The following C14orf180 variants were observed in gnomAD, a reference collection of about 807,000 sequenced individuals.
C14orf180 encodes nutritionally-regulated adipose and cardiac enriched protein homolog.
Under a neutral mutation model 13.9 loss-of-function variants are expected in C14orf180, and 13 were observed. That is an observed-to-expected ratio of 0.94 (90% CI 0.61 to 1.49). The LOEUF is 1.49. Ranked by LOEUF, C14orf180 falls within the 40% of genes most tolerant of loss-of-function variation. The pLI is 0.00. For synonymous variants in C14orf180, 113 were observed against 106.3 expected, an observed-to-expected ratio of 1.06 and a Z score of -0.39; for missense variants, 238 against 232.0, an observed-to-expected ratio of 1.03 and a Z score of -0.17.
intron 1 of C14orf180, among the ~76,000 whole-genome samples, chr14:104,585,736 TAGAA>T (rs1170194573): frequency 4.3e-5 from 5 of 117,376 alleles, no homozygotes; most frequent in African/African-American, 6.6e-5. Flanking sequence ...GAGAGAGACA[TAGAA>T]AGATAGAGAC....
chr14:104,585,452 G>T (rs1886582927), intron 1 of C14orf180, among the ~76,000 whole-genome samples: 1 of 152,216 alleles, frequency 6.6e-6, no homozygotes, highest in African/African-American at 2.4e-5. Context: ...CAAGAACCCT[G>T]CCAAGGCTGT....
chr14:104,588,078 A>G (rs1886697055), intron 3 of C14orf180, among the ~76,000 whole-genome samples, 196 bp from the exon 4 acceptor site: 1 of 152,160 alleles, frequency 6.6e-6, no homozygotes, highest in South Asian at 2.1e-4. Flanking sequence ...ATGAAACAGC[A>G]ACTGGAGGAG....
Position 104,585,082 on chromosome 14 carries a change from C to A in C14orf180, c.-16-1333C>A, listed in dbSNP as rs1269174042. On this transcript the variant is annotated intron_variant, in intron 1 of 4. Coordinates refer to ENST00000557649, the MANE Select transcript of C14orf180 (RefSeq NM_001008404.3). ...CACTCTCACCCTCCCCCTTCTCAGCCCTTGGGGGCAGGGTCCTTGGAGGAC... is the reference window on the plus strand; with the variant it reads ...CACTCTCACCCTCCCCCTTCTCAGCACTTGGGGGCAGGGTCCTTGGAGGAC... Among the ~76,000 whole-genome samples the A allele has an allele frequency of 2.0e-5, 3 of 152,252 alleles. No individual in the cohort carries two copies. In the East Asian group the frequency reaches 5.8e-4, roughly 29 times the overall value.
Position 104,590,479 on chromosome 14 carries a change from GC to G in C14orf180, c.*1697del, listed in dbSNP as rs367693007. On this transcript the variant is annotated 3_prime_UTR_variant, in exon 5 of 5. Coordinates refer to ENST00000557649, the MANE Select transcript of C14orf180 (RefSeq NM_001008404.3). ...GCAACGCAAGGACGTGCCTGGCTTT[GC>G]GGGGTCCCACGCTACGACCTCAGGT... 9 of 152,388 alleles carry G rather than the reference GC, an allele frequency of 5.9e-5. No homozygotes were observed. The East Asian group carries it at 1.7e-3, about 29-fold the overall frequency. 9.4% of individuals were successfully genotyped at this position (152,388 alleles called of 1,614,324 possible).
chr14:104,581,335 A>G (rs1419661036), intron 1 of C14orf180: 1 of 152,244 alleles, frequency 6.6e-6, no homozygotes, highest in African/African-American at 2.4e-5. Context: ...CCTGTGGCCA[A>G]ACTACTAAGG....
rs781458489 is a variant in C14orf180 at position 104,587,736 on chromosome 14, G to A, written c.112-13G>A. ...CCGGGGACTCACCAGTCTGCTTCCC[G>A]CCCCCACACCAGGAGGACAACAGGA... is the stretch of plus-strand genomic sequence containing the variant. On this transcript the variant is annotated splice_polypyrimidine_tract_variant and intron_variant, in intron 2 of 4. Coordinates refer to ENST00000557649, the MANE Select transcript of C14orf180 (RefSeq NM_001008404.3). 81 of 1,610,662 alleles carry A rather than the reference G, an allele frequency of 5.0e-5. No individual in the cohort carries two copies. The highest frequency in any genetic ancestry group is 1.7e-4 in the Middle Eastern group (1 of 6,054).
At chr14:104,587,942 ACCGG>A in intron 3 of C14orf180, 64 bp downstream of exon 3, 1 of 1,522,928 alleles carries the variant, frequency 6.6e-7, no homozygotes, top group African/African-American at 1.4e-5. Context: ...AGGCGGGGAC[ACCGG>A]CCACACCCAC....
At chr14:104,582,424 G>A (rs1886468014) in intron 1 of C14orf180, among the ~76,000 whole-genome samples, 1 of 152,198 alleles carries the variant, frequency 6.6e-6, no homozygotes, top group African/African-American at 2.4e-5. Flanking sequence ...ATGAGGTGGG[G>A]TCTTTGGGGT....
chr14:104,588,734 A>C lies in C14orf180; in HGVS notation c.434A>C (p.His145Pro). ...GCCCGGCTCCTCGGCCTTGTCCTGCACCTGCGGCACGTGGCCCTCACCTGC... is the reference window on the plus strand; with the variant it reads ...GCCCGGCTCCTCGGCCTTGTCCTGCCCCTGCGGCACGTGGCCCTCACCTGC... Reference protein sequence around the residue: ...LRARLLGLVLHLRHVALTCWR... With the variant: ...LRARLLGLVLPLRHVALTCWR... The change falls in exon 5 of 5, where the codon CAC (histidine) becomes CCC (proline). Residue 145 changes from histidine (H) to proline (P), a missense_variant. Physicochemically the swap from His to Pro is moderately conservative, Grantham distance 77 (BLOSUM62 -2). Coordinates refer to ENST00000557649, the MANE Select transcript of C14orf180 (RefSeq NM_001008404.3). 20 of 1,535,718 alleles carry C rather than the reference A, an allele frequency of 1.3e-5. No homozygotes were observed. Among genetic ancestry groups the C allele is most frequent in the Non-Finnish European group, 1.7e-5 (20 of 1,146,436 alleles).
chr14:104,588,440 C>A lies in C14orf180; in HGVS notation c.277+131C>A, dbSNP rs1022043255. 3 of 1,493,842 alleles carry A rather than the reference C, an allele frequency of 2.0e-6. No individual in the cohort carries two copies. The African/African-American group carries it at 4.2e-5, about 21-fold the overall frequency. The allele number at this position is 1,493,842 out of a possible 1,614,324, so 92.5% of individuals were successfully genotyped here. On this transcript the variant is annotated intron_variant, in intron 4 of 4. Coordinates refer to ENST00000557649, the MANE Select transcript of C14orf180 (RefSeq NM_001008404.3). ...GTCCCCAGTTGGGGAGCTCTTGTTG[C>A]AAGGAGACCCCAAGAGGCTAGGGAG... is the stretch of plus-strand genomic sequence containing the variant.
Position 104,579,780 on chromosome 14 carries a change from T to G in C14orf180, c.-240T>G, listed in dbSNP as rs1886376805. The G allele has an allele frequency of 6.6e-6, 1 of 152,334 alleles. No individual in the cohort carries two copies. Among genetic ancestry groups the G allele is most frequent in the African/African-American group, 2.4e-5 (1 of 41,460 alleles). The allele number at this position is 152,334 out of a possible 1,614,324, so 9.4% of individuals were successfully genotyped here. On this transcript the variant is annotated 5_prime_UTR_variant, in exon 1 of 5. Coordinates refer to ENST00000557649, the MANE Select transcript of C14orf180 (RefSeq NM_001008404.3). ...ACGAAGGCCACAACAGACCCGGCCC[T>G]GCCAGCGGGCGGTGGCGCCTCCAGA...
chr14:104,582,690 C>T (rs1007521566), intron 1 of C14orf180, among the ~76,000 whole-genome samples: 3 of 152,230 alleles, frequency 2.0e-5, no homozygotes, highest in African/African-American at 7.2e-5. Context: ...GGTAAGAACC[C>T]CCCAGCCCCC....
intron 4 of C14orf180, 99 bp from the exon 5 acceptor site, chr14:104,588,479 G>A: frequency 6.9e-7 from 1 of 1,443,490 alleles, no homozygotes; most frequent in Non-Finnish European, 9.3e-7. Context: ...CCATGGGCAT[G>A]GACAGGGTGG....
At chr14:104,583,389 A>C (rs1250821438) in intron 1 of C14orf180, among the ~76,000 whole-genome samples, 2 of 152,090 alleles carry the variant, frequency 1.3e-5, no homozygotes, top group African/African-American at 4.8e-5. Context: ...TCCCTCCCCG[A>C]GTGATGCCAA....
Position 104,588,720 on chromosome 14 carries a change from C to G in C14orf180, c.420C>G (p.Leu140=). The change falls in exon 5 of 5, where the codon CTC becomes CTG. Residue 140 remains leucine, a synonymous_variant. Transcript: ENST00000557649. ...TALEDLRARL[L]GLVLHLRHVA... is the part of the protein sequence containing the mutation. The stretch of plus-strand genomic sequence containing the variant: ...TGGAGGACCTGCGGGCCCGGCTCCT[C>G]GGCCTTGTCCTGCACCTGCGGCACG... 6.5e-7 allele frequency: 1 copy of G among 1,535,724 alleles called. No individual in the cohort carries two copies. The highest frequency in any genetic ancestry group is 8.7e-7 in the Non-Finnish European group (1 of 1,146,360).
chr14:104,582,153 G>A (rs748923539), intron 1 of C14orf180, among the ~76,000 whole-genome samples: 22 of 152,174 alleles, frequency 1.4e-4, no homozygotes, highest in Non-Finnish European at 2.9e-4. Flanking sequence ...GCAAAAGGGC[G>A]GGCGGCACGG....
rs112419320 is a variant in C14orf180, at chr14:104,588,206, C to T, written c.242-68C>T. 5,954 of 1,594,672 alleles carry T rather than the reference C, an allele frequency of 3.7e-3. 199 individuals are homozygous for T. The African/African-American group carries it at 0.068, about 18-fold the overall frequency. ...GGTCCTTCGGGGGTGCAGGGTGAGA[C>T]GAGAGGGCGGGGGCGCCCGATGGAC... On this transcript the variant is annotated intron_variant, in intron 3 of 4. Coordinates refer to ENST00000557649, the MANE Select transcript of C14orf180 (RefSeq NM_001008404.3).
chr14:104,588,715 C>T lies in C14orf180; in HGVS notation c.415C>T (p.Leu139Phe). 1 of 1,535,708 alleles carries T rather than the reference C, an allele frequency of 6.5e-7. No individual in the cohort carries two copies. Among genetic ancestry groups the T allele is most frequent in the Admixed American group, 2.0e-5 (1 of 50,972 alleles). The stretch of plus-strand genomic sequence containing the variant: ...GGCACTGGAGGACCTGCGGGCCCGG[C>T]TCCTCGGCCTTGTCCTGCACCTGCG... ...ATALEDLRARLLGLVLHLRHV... is the reference protein window; with the variant it reads ...ATALEDLRARFLGLVLHLRHV... Residue 139 changes from leucine (L) to phenylalanine (F), a missense_variant, in exon 5 of 5, where the codon CTC becomes TTC. Coordinates refer to ENST00000557649, the MANE Select transcript of C14orf180 (RefSeq NM_001008404.3).
intron 1 of C14orf180, among the ~76,000 whole-genome samples, chr14:104,582,711 G>A (rs1268840803): frequency 1.3e-5 from 2 of 152,224 alleles, no homozygotes; most frequent in Non-Finnish European, 2.9e-5. Context: ...CAGCACCAAG[G>A]GAGGCGCCAT....
Sources: gnomAD v4.1 joint callset for allele counts (sites outside exome capture counted in the v4.1 genomes callset) on GRCh38, gnomAD v4.1.1 for gene constraint, MANE v1.5 for transcripts, NCBI Gene and HGNC (gene_info 2026-07-23, HGNC 2026-07-21) for gene names.